Variants in BCAS3 observed in about 807,000 individuals in gnomAD.
BCAS3 encodes BCAS3 microtubule associated cell migration factor.
Under a neutral mutation model 116.1 loss-of-function variants are expected in BCAS3, and 53 were observed. The ratio of observed to expected loss-of-function variants is 0.46; its 90% confidence interval spans 0.37 to 0.57. The LOEUF is 0.57. Ranked by LOEUF, BCAS3 falls within the 20% of genes least tolerant of loss-of-function variation. BCAS3 has a pLI of 0.00. For synonymous variants in BCAS3, 391 were observed against 408.2 expected, an observed-to-expected ratio of 0.96 and a Z score of 0.51; for missense variants, 917 against 1,165.4, an observed-to-expected ratio of 0.79 and a Z score of 3.10.
Position 61,034,190 on chromosome 17 carries a change from A to G in BCAS3, c.1638-476A>G, listed in dbSNP as rs1209666926. Among the ~76,000 whole-genome samples the G allele has an allele frequency of 6.6e-6, 1 of 152,216 alleles. No homozygotes were observed. The highest frequency in any genetic ancestry group is 1.5e-5 in the Non-Finnish European group (1 of 68,032). ...ATTCTATATCACCTCATTTTCATCC[A>G]TGCTGTCTAAATTCATTTATACTGT... On this transcript the variant is annotated intron_variant, in intron 16 of 23. Transcript: ENST00000407086. The surrounding 1 kb of genome is among the most constrained non-coding windows in gnomAD (Gnocchi z 5.0).
At chr17:61,334,664 C>CAAAAAAAAAAAA (rs35400660) in intron 22 of BCAS3, among the ~76,000 whole-genome samples, 1 of 50,892 alleles carries the variant, frequency 2.0e-5, no homozygotes, top group African/African-American at 6.8e-5. Context: ...AACTCCATCT[C>CAAAAAAAAAAAA]AAAAAAAAAA....
chr17:61,018,325 G>A (rs373670672), intron 16 of BCAS3, among the ~76,000 whole-genome samples: 47 of 107,054 alleles, frequency 4.4e-4, no homozygotes, highest in African/African-American at 1.6e-3. Context: ...TTTTTGAGAC[G>A]TAGTCTTGCT....
chr17:60,796,077 A>G (rs2047192281), intron 6 of BCAS3, among the ~76,000 whole-genome samples: 1 of 152,018 alleles, frequency 6.6e-6, no homozygotes, highest in Admixed American at 6.6e-5. Flanking sequence ...CTGATATGAA[A>G]CCCACTTGAT....
At position 61,035,000 on chromosome 17, in the gene BCAS3, G is replaced by A. The variant is rs2145598900; in HGVS notation, c.1762+210G>A. Among the ~76,000 whole-genome samples the A allele has an allele frequency of 6.6e-6, 1 of 152,220 alleles. No individual in the cohort carries two copies. Among genetic ancestry groups the A allele is most frequent in the Middle Eastern group, 3.4e-3 (1 of 294 alleles). ...TGAACGTTAATGAATTGCCCACTGA[G>A]TGATTTTGTTTTGTTTTGTTGGTGA... On this transcript the variant is annotated intron_variant, in intron 17 of 23. Transcript: ENST00000407086. The surrounding 1 kb of genome is among the most constrained non-coding windows in gnomAD (Gnocchi z 5.0).
At chr17:60,988,626 G>A (rs1373629930) in intron 14 of BCAS3, among the ~76,000 whole-genome samples, 1 of 151,766 alleles carries the variant, frequency 6.6e-6, no homozygotes, top group Non-Finnish European at 1.5e-5. Flanking sequence ...ATCTTGTTAG[G>A]TTGTACGTGT....
rs1408595682 is a variant in BCAS3 at position 61,316,557 on chromosome 17, C to T, written c.2426-51770C>T. Among the ~76,000 whole-genome samples, 1 of 152,090 alleles carries T rather than the reference C, an allele frequency of 6.6e-6. No homozygotes were observed. The highest frequency in any genetic ancestry group is 1.5e-5 in the Non-Finnish European group (1 of 68,026). On this transcript the variant is annotated intron_variant, in intron 22 of 23. Coordinates refer to ENST00000407086, the MANE Select transcript of BCAS3 (RefSeq NM_017679.5). The surrounding 1 kb of genome is among the most constrained non-coding windows in gnomAD (Gnocchi z 5.8). ...TCCACAGCTCCCCTGCAGTAGCACC[C>T]CTCTGCACAGCTTTCCTCTTCGCTG... is the stretch of plus-strand genomic sequence containing the variant.
rs530437525 is a variant in BCAS3 at position 61,305,387 on chromosome 17, G to A, written c.2426-62940G>A. On this transcript the variant is annotated intron_variant, in intron 22 of 23. Transcript: ENST00000407086. ...TGAGCCCAGTCAGAAGAAAAGCCTG[G>A]CATACTAGAAAGAGCATGGCCTTTG... Among the ~76,000 whole-genome samples the A allele has an allele frequency of 8.9e-4, 136 of 152,200 alleles. 1 individual carries two copies. The highest frequency in any genetic ancestry group is 6.0e-3 in the South Asian group (29 of 4,830).
At chr17:61,191,126 A>C (rs944303832) in intron 22 of BCAS3, among the ~76,000 whole-genome samples, 1 of 152,024 alleles carries the variant, frequency 6.6e-6, no homozygotes, top group African/African-American at 2.4e-5. Context: ...TCTCTACAAA[A>C]AAATAATTTA....
At chr17:61,152,244 C>T (rs2077580940) in intron 22 of BCAS3, among the ~76,000 whole-genome samples, 1 of 152,092 alleles carries the variant, frequency 6.6e-6, no homozygotes. Context: ...CCTTATTTGT[C>T]CCCTCCCATG....
rs1460908933 is a variant in BCAS3, at chr17:61,198,143, TTC to T, written c.2425+113581_2425+113582del. Among the ~76,000 whole-genome samples the T allele has an allele frequency of 6.7e-6, 1 of 149,330 alleles. No individual in the cohort carries two copies. The highest frequency in any genetic ancestry group is 2.1e-4 in the South Asian group (1 of 4,758). Reference sequence around the variant, plus strand: ...AAAGTGCAAGATATGTTTTTTTTTTTTCTTTTTTTTTTTTTGAGACGGAGTCT... The same window carrying T: ...AAAGTGCAAGATATGTTTTTTTTTTTTTTTTTTTTTTTTGAGACGGAGTCT... On this transcript the variant is annotated intron_variant, in intron 22 of 23. Transcript: ENST00000407086. The surrounding 1 kb of genome is among the most constrained non-coding windows in gnomAD (Gnocchi z 5.0).
At chr17:61,147,193 G>A (rs2077271327) in intron 22 of BCAS3, among the ~76,000 whole-genome samples, 1 of 152,004 alleles carries the variant, frequency 6.6e-6, no homozygotes, top group Non-Finnish European at 1.5e-5. Context: ...TCGTGCCTTA[G>A]CCTCCTGAGG....
intron 22 of BCAS3, among the ~76,000 whole-genome samples, chr17:61,225,283 C>G (rs556126397): frequency 6.6e-6 from 1 of 152,040 alleles, no homozygotes; most frequent in East Asian, 1.9e-4. Context: ...AATAATCACC[C>G]CTTTTCACAT....
chr17:60,677,889 A>C lies in BCAS3; in HGVS notation c.-31A>C, dbSNP rs2032217432. ...CCAAACAGTGAGCCTAGAGCTGGAGACTAGCGTTAACCGGCGGGGCGGCCG... is the reference window on the plus strand; with the variant it reads ...CCAAACAGTGAGCCTAGAGCTGGAGCCTAGCGTTAACCGGCGGGGCGGCCG... On this transcript the variant is annotated 5_prime_UTR_variant, in exon 1 of 24. Coordinates refer to ENST00000407086, the MANE Select transcript of BCAS3 (RefSeq NM_017679.5). The C allele has an allele frequency of 6.5e-6, 1 of 153,470 alleles. No individual in the cohort carries two copies. Among genetic ancestry groups the C allele is most frequent in the Non-Finnish European group, 1.5e-5 (1 of 68,648 alleles). 9.5% of individuals were successfully genotyped at this position (153,470 alleles called of 1,614,324 possible).
intron 6 of BCAS3, among the ~76,000 whole-genome samples, chr17:60,780,574 A>C (rs2041136259): frequency 6.6e-6 from 1 of 152,246 alleles, no homozygotes; most frequent in South Asian, 2.1e-4. Flanking sequence ...AAGTGCTGGG[A>C]TTACAGGCAT....
chr17:60,746,295 G>A (rs952730196), intron 5 of BCAS3, among the ~76,000 whole-genome samples: 5 of 152,028 alleles, frequency 3.3e-5, no homozygotes, highest in Non-Finnish European at 7.4e-5. Flanking sequence ...TCGTAGTTCT[G>A]TCAGTTGAGA....
chr17:61,265,572 G>C lies in BCAS3; in HGVS notation c.2426-102755G>C, dbSNP rs913886590. Among the ~76,000 whole-genome samples the C allele has an allele frequency of 6.6e-6, 1 of 152,122 alleles. No individual in the cohort carries two copies. Among genetic ancestry groups the C allele is most frequent in the Non-Finnish European group, 1.5e-5 (1 of 68,034 alleles). ...CTGTGGGCCTGGTTTCTACAATCTTGTTTGGCTACAATTCATGTTGACTTT... is the reference window on the plus strand; with the variant it reads ...CTGTGGGCCTGGTTTCTACAATCTTCTTTGGCTACAATTCATGTTGACTTT... On this transcript the variant is annotated intron_variant, in intron 22 of 23. Coordinates refer to ENST00000407086, the MANE Select transcript of BCAS3 (RefSeq NM_017679.5). This position sits in a 1 kb window ranked among gnomAD's most constrained non-coding sequence, Gnocchi z 4.3.
rs12452463 is a variant in BCAS3, at chr17:60,921,627, A to C, written c.994-2780A>C. Among the ~76,000 whole-genome samples, 1,045 of 150,506 alleles carry C rather than the reference A, an allele frequency of 6.9e-3. 31 individuals are homozygous for C. The highest frequency in any genetic ancestry group is 0.053 in the East Asian group (274 of 5,126). ...GACTCCGTCTCAAAAAAAAAAAAAAAAAAAAAAAACATTGACCACACATGG... is the reference window on the plus strand; with the variant it reads ...GACTCCGTCTCAAAAAAAAAAAAAACAAAAAAAAACATTGACCACACATGG... On this transcript the variant is annotated intron_variant, in intron 12 of 23. Coordinates refer to ENST00000407086, the MANE Select transcript of BCAS3 (RefSeq NM_017679.5).
chr17:60,705,762 C>T (rs557353066), intron 4 of BCAS3, among the ~76,000 whole-genome samples: 5 of 152,178 alleles, frequency 3.3e-5, no homozygotes, highest in African/African-American at 1.2e-4. Flanking sequence ...AGAAAGCTTC[C>T]AATTATTTAA....
chr17:60,824,007 A>G (rs2050174341), intron 7 of BCAS3, among the ~76,000 whole-genome samples: 1 of 152,184 alleles, frequency 6.6e-6, no homozygotes, highest in Non-Finnish European at 1.5e-5. Context: ...ACTCTTTCTT[A>G]TCAACAGCCC....
Sources: allele counts gnomAD v4.1 joint callset (sites outside exome capture counted in the v4.1 genomes callset), GRCh38; gene constraint gnomAD v4.1.1; non-coding constraint Gnocchi (gnomAD v3.1); transcripts MANE v1.5; gene names NCBI Gene and HGNC (gene_info 2026-07-23, HGNC 2026-07-21).